The following KMT2E variants were observed in gnomAD, a reference collection of about 807,000 sequenced individuals.
KMT2E encodes the protein histone reader KMT2E.
KMT2E carries 30 observed loss-of-function variants against 184.6 expected under a neutral mutation model. The ratio of observed to expected loss-of-function variants is 0.16; its 90% CI spans 0.12 to 0.22. KMT2E has a LOEUF of 0.22. Ranked by LOEUF, KMT2E falls within the 10% of genes least tolerant of loss-of-function variation. KMT2E has a pLI of 1.00. For missense variants in KMT2E, 2,023 were observed against 2,237.4 expected, an observed-to-expected ratio of 0.90 and a Z score of 1.93; for synonymous variants, 815 against 776.5, an observed-to-expected ratio of 1.05 and a Z score of -0.82.
At chr7:105,049,631 C>T (rs1384334453) in intron 3 of KMT2E, among the ~76,000 whole-genome samples, 1 of 152,226 alleles carries the variant, frequency 6.6e-6, no homozygotes, top group East Asian at 1.9e-4. Context: ...TGGCTCACGC[C>T]TGTAATCCCA....
At chr7:105,108,192 A>G (rs1187160414) in intron 22 of KMT2E, among the ~76,000 whole-genome samples, 1 of 152,128 alleles carries the variant, frequency 6.6e-6, no homozygotes, top group African/African-American at 2.4e-5. Flanking sequence ...CCAAATGAGT[A>G]TTTTTTAAAA....
Position 105,091,600 on chromosome 7 carries a change from A to G in KMT2E, c.1722+286A>G, listed in dbSNP as rs181223265. 2.5e-3 allele frequency: 1,314 copies of G among 519,496 alleles called. 6 individuals are homozygous for G. The highest frequency in any genetic ancestry group is 7.5e-3 in the South Asian group (241 of 32,042). The allele number at this position is 519,496 out of a possible 1,614,324, so 32.2% of individuals were successfully genotyped here. A position where few individuals can be genotyped will look rare whatever the true frequency, so the allele number is the denominator to read the frequency against. On this transcript the variant is annotated intron_variant, in intron 15 of 26. Coordinates refer to ENST00000311117, the MANE Select transcript of KMT2E (RefSeq NM_182931.3). Reference sequence around the variant, plus strand: ...CACACTGAACTATTAATAAATTTTAATGCCACAATTACTGTTCAGAATGTC... The same window carrying G: ...CACACTGAACTATTAATAAATTTTAGTGCCACAATTACTGTTCAGAATGTC...
chr7:105,081,418 G>C (rs1220454453), intron 12 of KMT2E, among the ~76,000 whole-genome samples: 1 of 141,598 alleles, frequency 7.1e-6, no homozygotes, highest in Admixed American at 7.1e-5. Flanking sequence ...ATGAAATATA[G>C]TATTTTTATT....
At chr7:105,039,648 G>C (rs1252153592) in intron 2 of KMT2E, among the ~76,000 whole-genome samples, 2 of 152,174 alleles carry the variant, frequency 1.3e-5, no homozygotes, top group Non-Finnish European at 2.9e-5. Flanking sequence ...ATAGTGGTTT[G>C]AATTCTCCAA....
intron 3 of KMT2E, among the ~76,000 whole-genome samples, chr7:105,051,278 G>C (rs552461356): frequency 6.6e-6 from 1 of 151,234 alleles, no homozygotes; most frequent in South Asian, 2.1e-4. Flanking sequence ...CTCCGCTTTC[G>C]AGGTTCAAGC....
intron 21 of KMT2E, 32 bp downstream of exon 21, chr7:105,107,254 T>C (rs1399998683): frequency 6.6e-7 from 1 of 1,516,198 alleles, no homozygotes; most frequent in Non-Finnish European, 9.0e-7. Flanking sequence ...GGTGAATTGG[T>C]AGTTTTTTTC....
chr7:105,094,631 G>A (rs1395804339), intron 15 of KMT2E, among the ~76,000 whole-genome samples: 1 of 152,124 alleles, frequency 6.6e-6, no homozygotes, highest in African/African-American at 2.4e-5. Context: ...GGAATACGAC[G>A]AGTCAGTAAT....
rs529034068 is a variant in KMT2E at position 105,048,456 on chromosome 7, G to A, written c.71+7433G>A. Among the ~76,000 whole-genome samples the A allele has an allele frequency of 2.0e-5, 3 of 151,882 alleles. No homozygotes were observed. The South Asian group carries it at 6.2e-4, about 32-fold the overall frequency. ...GACTTTAAAATTTGATTATTTAAGGGGATAGAGTTTTAAAAACCTGGGTCA... is the reference window on the plus strand; with the variant it reads ...GACTTTAAAATTTGATTATTTAAGGAGATAGAGTTTTAAAAACCTGGGTCA... On this transcript the variant is annotated intron_variant, in intron 3 of 26. Transcript: ENST00000311117.
chr7:105,076,561 A>C (rs1797533464), intron 9 of KMT2E, among the ~76,000 whole-genome samples: 1 of 152,224 alleles, frequency 6.6e-6, no homozygotes, highest in Non-Finnish European at 1.5e-5. Flanking sequence ...TGAATTAATT[A>C]ATGTATGTCC....
chr7:105,027,614 C>T (rs1037169350), intron 1 of KMT2E, among the ~76,000 whole-genome samples: 1 of 152,162 alleles, frequency 6.6e-6, no homozygotes, highest in Non-Finnish European at 1.5e-5. Flanking sequence ...AGTGCACAGA[C>T]ATTTTCTTTC....
intron 15 of KMT2E, among the ~76,000 whole-genome samples, chr7:105,092,505 A>G (rs1798246680): frequency 6.6e-6 from 1 of 152,232 alleles, no homozygotes. Flanking sequence ...CAAAATTCTG[A>G]AAACTATAAA....
rs538679842 is a variant in KMT2E, at chr7:105,063,781, TAGAC to T, written c.416+204_416+207del. 1.9e-3 allele frequency: 1,038 copies of T among 557,684 alleles called. 8 individuals carry two copies. Among genetic ancestry groups the T allele is most frequent in the Middle Eastern group, 0.015 (33 of 2,144 alleles). The allele number at this position is 557,684 out of a possible 1,614,324, so 34.5% of individuals were successfully genotyped here. A position where few individuals can be genotyped will look rare whatever the true frequency, so the allele number is the denominator to read the frequency against. ...GAAATCCCTGTTGTTAACTGAGTAA[TAGAC>T]AGTCAGTTCTGAACTTTTTTTCATG... On this transcript the variant is annotated intron_variant, in intron 5 of 26. Coordinates refer to ENST00000311117, the MANE Select transcript of KMT2E (RefSeq NM_182931.3).
chr7:105,097,538 A>C (rs555659285), intron 15 of KMT2E, among the ~76,000 whole-genome samples: 6 of 152,202 alleles, frequency 3.9e-5, no homozygotes, highest in Non-Finnish European at 8.8e-5. Flanking sequence ...GGTGCCCACC[A>C]CCACGCCTGG....
intron 6 of KMT2E, among the ~76,000 whole-genome samples, chr7:105,070,567 G>A (rs1243635614): frequency 1.4e-5 from 2 of 146,604 alleles, no homozygotes; most frequent in Non-Finnish European, 3.0e-5. Flanking sequence ...CTGGGAGGCA[G>A]AGGTTGCAGT....
In KMT2E at chr7:105,091,116, G is replaced by A. The variant is rs576225656; in HGVS notation, c.1624-100G>A. ...AATAATTTAAATAGGCTGTGTACAT[G>A]TTGAATTTGTTGTGGTTGAAAGACA... On this transcript the variant is annotated intron_variant, in intron 14 of 26. Transcript: ENST00000311117. 121 of 596,828 alleles carry A rather than the reference G, an allele frequency of 2.0e-4. 2 individuals carry two copies. In the African/African-American group the frequency reaches 2.2e-3, roughly 11 times the overall value. The allele number at this position is 596,828 out of a possible 1,614,324, so 37.0% of individuals were successfully genotyped here. A position where few individuals can be genotyped will look rare whatever the true frequency, so the allele number is the denominator to read the frequency against.
At chr7:105,073,861 A>G (rs1046981925) in intron 7 of KMT2E, among the ~76,000 whole-genome samples, 184 bp downstream of exon 7, 2 of 152,206 alleles carry the variant, frequency 1.3e-5, no homozygotes, top group African/African-American at 4.8e-5. Flanking sequence ...TTCACGTATT[A>G]TAGAATAAAT....
chr7:105,025,882 T>A (rs577511115), intron 1 of KMT2E, among the ~76,000 whole-genome samples: 9 of 152,094 alleles, frequency 5.9e-5, no homozygotes, highest in Non-Finnish European at 1.2e-4. Context: ...AAAATAGAAA[T>A]CTAGAAGGAA....
At chr7:105,051,057 C>G (rs1796319286) in intron 3 of KMT2E, among the ~76,000 whole-genome samples, 2 of 150,590 alleles carry the variant, frequency 1.3e-5, no homozygotes, top group Non-Finnish European at 3.0e-5. Flanking sequence ...TTCTTTCTTT[C>G]CTTTTCTTTC....
At chr7:105,041,744 A>G (rs1795891549) in intron 3 of KMT2E, among the ~76,000 whole-genome samples, 1 of 152,220 alleles carries the variant, frequency 6.6e-6, no homozygotes, top group African/African-American at 2.4e-5. Flanking sequence ...TGAAGATTCT[A>G]AAATATTTTG....
Sources: allele counts gnomAD v4.1 joint callset (sites outside exome capture counted in the v4.1 genomes callset), GRCh38; gene constraint gnomAD v4.1.1; transcripts MANE v1.5; gene names NCBI Gene and HGNC (gene_info 2026-07-23, HGNC 2026-07-21).